TPGS2: variants seen among roughly 807,000 people sequenced by gnomAD.
TPGS2 encodes polyglutamylase subunit 2.
In TPGS2, 26 loss-of-function variants were observed where a neutral mutation model predicts 31.1. The ratio of observed to expected loss-of-function variants is 0.84; its 90% CI spans 0.61 to 1.16. TPGS2 has a LOEUF of 1.16. Ranked by LOEUF, TPGS2 falls within the 50% of genes most tolerant of loss-of-function variation. TPGS2 has a pLI of 0.00. For synonymous variants in TPGS2, 130 were observed against 136.6 expected (o/e 0.95, Z 0.34); for missense variants, 351 against 363.8 (o/e 0.96, Z 0.29).
At chr18:36,787,104 C>T (rs2150524387) in intron 6 of TPGS2, 1 of 1,232,422 alleles carries the variant, frequency 8.1e-7, no homozygotes, top group South Asian at 4.1e-5. Flanking sequence ...AATAGGAATA[C>T]ATGGGTCTTG....
At chr18:36,799,285 TA>T (rs1568004397) in intron 5 of TPGS2, among the ~76,000 whole-genome samples, 1 of 152,196 alleles carries the variant, frequency 6.6e-6, no homozygotes, top group Admixed American at 6.5e-5. Context: ...CAACCTTCAT[TA>T]GCTCCCCACT....
In TPGS2 at chr18:36,797,418, A is replaced by T. The variant is rs1175070458; in HGVS notation, c.658-368T>A. Among the ~76,000 whole-genome samples, 13 of 148,708 alleles carry T rather than the reference A, an allele frequency of 8.7e-5. No homozygotes were observed. In the Admixed American group the frequency reaches 8.9e-4, roughly 10 times the overall value. On this transcript the variant is annotated intron_variant, in intron 6 of 6. Coordinates refer to ENST00000334295, the MANE Select transcript of TPGS2 (RefSeq NM_015476.4). ...AAACCAGCTACTCCCCATCAGGTGG[A>T]TTCTGGCAGCACCATTCCCCCAGGA...
rs2044495422 is a variant in TPGS2 at position 36,795,702 on chromosome 18, G to C, written c.*1103C>G. ...CTAGAGGTTCCCCCATATGTCAATGGGAAAATGATTTCTGAATTACAGGCA... is the reference window on the plus strand; with the variant it reads ...CTAGAGGTTCCCCCATATGTCAATGCGAAAATGATTTCTGAATTACAGGCA... On this transcript the variant is annotated 3_prime_UTR_variant, in exon 7 of 7. Coordinates refer to ENST00000334295, the MANE Select transcript of TPGS2 (RefSeq NM_015476.4). 1.0e-6 allele frequency: 1 copy of C among 985,300 alleles called. No homozygotes were observed. Among genetic ancestry groups the C allele is most frequent in the Admixed American group, 6.1e-5 (1 of 16,268 alleles). 61.0% of individuals were successfully genotyped at this position (985,300 alleles called of 1,614,324 possible). A position where few individuals can be genotyped will look rare whatever the true frequency, so the allele number is the denominator to read the frequency against.
downstream of TPGS2, among the ~76,000 whole-genome samples, chr18:36,791,200 C>T (rs180992643): frequency 3.3e-5 from 5 of 152,292 alleles, no homozygotes; most frequent in East Asian, 1.9e-4. Flanking sequence ...CTGAGGCCTC[C>T]CCAGCTATGC....
At chr18:36,800,357 A>C in intron 4 of TPGS2, 46 bp from the exon 5 acceptor site, 4 of 1,543,972 alleles carry the variant, frequency 2.6e-6, no homozygotes, top group Non-Finnish European at 3.6e-6. Context: ...AACTCAACTC[A>C]AACACATACC....
downstream of TPGS2, among the ~76,000 whole-genome samples, chr18:36,790,810 A>G (rs1388662427): frequency 1.3e-5 from 2 of 152,172 alleles, no homozygotes; most frequent in African/African-American, 2.4e-5. Context: ...CTGAAGTATG[A>G]AGCAGTTCTT....
intron 2 of TPGS2, among the ~76,000 whole-genome samples, chr18:36,814,465 A>G (rs988447321): frequency 1.3e-5 from 2 of 152,234 alleles, no homozygotes; most frequent in African/African-American, 2.4e-5. Context: ...GTATATGATC[A>G]TTTAGGTTTC....
rs541923422 is a variant in TPGS2, at chr18:36,828,953, C to G, written c.-186G>C. The G allele has an allele frequency of 1.0e-6, 1 of 998,492 alleles. No homozygotes were observed. The highest frequency in any genetic ancestry group is 1.4e-6 in the Non-Finnish European group (1 of 711,078). 61.9% of individuals were successfully genotyped at this position (998,492 alleles called of 1,614,324 possible). A position where few individuals can be genotyped will look rare whatever the true frequency, so the allele number is the denominator to read the frequency against. On this transcript the variant is annotated 5_prime_UTR_variant, in exon 1 of 7. Transcript: ENST00000334295. ...CTCCGTGGGGCGCCGGTTCCCGCGG[C>G]CCCGCCCGGTGCCCCACACCGCACC...
chr18:36,809,395 T>C (rs2045314975), intron 2 of TPGS2, among the ~76,000 whole-genome samples: 1 of 152,224 alleles, frequency 6.6e-6, no homozygotes, highest in Non-Finnish European at 1.5e-5. Flanking sequence ...AGCTGTCATT[T>C]TAATGAAACA....
At chr18:36,824,793 T>G (rs1833362126) in intron 1 of TPGS2, among the ~76,000 whole-genome samples, 1 of 152,252 alleles carries the variant, frequency 6.6e-6, no homozygotes, top group Non-Finnish European at 1.5e-5. Context: ...TCTCCTATTT[T>G]TTGGATTGTT....
intron 1 of TPGS2, among the ~76,000 whole-genome samples, chr18:36,826,656 G>C: frequency 6.6e-6 from 1 of 152,168 alleles, no homozygotes. Context: ...TCCTCAGAAA[G>C]GTCTGCCAAT....
Position 36,794,733 on chromosome 18 carries a change from A to G in TPGS2, c.*2072T>C, listed in dbSNP as rs776985382. Reference sequence around the variant, plus strand: ...TATATCCTTTTCTGCCACTCCATGAATTGTTGCACATTTATAAATCCTTGA... The same window carrying G: ...TATATCCTTTTCTGCCACTCCATGAGTTGTTGCACATTTATAAATCCTTGA... On this transcript the variant is annotated 3_prime_UTR_variant, in exon 7 of 7. Transcript: ENST00000334295. 3 of 985,230 alleles carry G rather than the reference A, an allele frequency of 3.0e-6. No homozygotes were observed. The highest frequency in any genetic ancestry group is 3.6e-6 in the Non-Finnish European group (3 of 829,904). 61.0% of individuals were successfully genotyped at this position (985,230 alleles called of 1,614,324 possible). A position where few individuals can be genotyped will look rare whatever the true frequency, so the allele number is the denominator to read the frequency against.
intron 6 of TPGS2, chr18:36,787,003 A>C (rs2044148323): frequency 2.4e-6 from 3 of 1,234,222 alleles, no homozygotes; most frequent in Non-Finnish European, 3.0e-6. Context: ...ACAGCTCCTC[A>C]GCTCCCATTG....
chr18:36,782,119 G>A (rs770203784), downstream of TPGS2, among the ~76,000 whole-genome samples: 1 of 152,194 alleles, frequency 6.6e-6, no homozygotes, highest in Non-Finnish European at 1.5e-5. Flanking sequence ...TTGTCACACT[G>A]TTTAGTGAAC....
At chr18:36,793,903 A>C (rs1481326078), downstream of TPGS2, among the ~76,000 whole-genome samples, 2 of 151,864 alleles carry the variant, frequency 1.3e-5, no homozygotes, top group East Asian at 1.9e-4. Context: ...ACGCCCGGCT[A>C]ATTTTTGTTT....
intron 4 of TPGS2, among the ~76,000 whole-genome samples, chr18:36,804,457 C>T (rs1457421532): frequency 6.6e-6 from 1 of 152,130 alleles, no homozygotes; most frequent in Admixed American, 6.5e-5. Context: ...GACCTTTTTC[C>T]TACCCCTGGA....
chr18:36,824,304 A>G (rs1406005582), intron 1 of TPGS2, among the ~76,000 whole-genome samples: 1 of 152,250 alleles, frequency 6.6e-6, no homozygotes, highest in Non-Finnish European at 1.5e-5. Flanking sequence ...GACAATTATG[A>G]ATAATGCAGC....
At chr18:36,804,083 C>A (rs576898325) in intron 4 of TPGS2, among the ~76,000 whole-genome samples, 7 of 152,276 alleles carry the variant, frequency 4.6e-5, no homozygotes, top group Admixed American at 4.6e-4. Context: ...TTGCCTCAGC[C>A]TCACAAGTAG....
intron 2 of TPGS2, among the ~76,000 whole-genome samples, 161 bp from the exon 3 acceptor site, chr18:36,808,095 T>C (rs1213652867): frequency 6.6e-6 from 1 of 152,164 alleles, no homozygotes; most frequent in Admixed American, 6.5e-5. Context: ...ACTGGGGTCT[T>C]GCAAGCAGAG....
Sources: allele counts gnomAD v4.1 joint callset (sites outside exome capture counted in the v4.1 genomes callset), GRCh38; gene constraint gnomAD v4.1.1; transcripts MANE v1.5; gene names NCBI Gene and HGNC (gene_info 2026-07-23, HGNC 2026-07-21).